The following VSIG2 variants were observed in gnomAD, a reference collection of about 807,000 sequenced individuals.
The protein encoded by VSIG2 is V-set and immunoglobulin domain containing 2.
Under a neutral mutation model 29.4 loss-of-function variants are expected in VSIG2, and 30 were observed. That is an observed-to-expected ratio of 1.02 (90% CI 0.76 to 1.38). VSIG2 has a LOEUF of 1.38. Among genes scored for constraint, VSIG2 ranks in the 40% most tolerant of loss-of-function variants. VSIG2 has a pLI of 0.00. For synonymous variants in VSIG2, 178 were observed against 174.2 expected, an observed-to-expected ratio of 1.02 and a Z score of -0.17; for missense variants, 421 against 400.8, an observed-to-expected ratio of 1.05 and a Z score of -0.43.
At chr11:124,749,337 C>A (rs926487552) in intron 4 of VSIG2, among the ~76,000 whole-genome samples, 1 of 152,072 alleles carries the variant, frequency 6.6e-6, no homozygotes, top group African/African-American at 2.4e-5. Flanking sequence ...AAGATTCCAG[C>A]CAGTCCATGC....
At chr11:124,747,784 G>T (rs886162011) in intron 6 of VSIG2, 117 bp from the exon 7 acceptor site, 2 of 1,185,882 alleles carry the variant, frequency 1.7e-6, no homozygotes, top group Non-Finnish European at 1.2e-6. Flanking sequence ...GCGGAACTTT[G>T]GTTAAAATGA....
At position 124,749,645 on chromosome 11, in the gene VSIG2, G is replaced by A. The variant is rs975604077; in HGVS notation, c.586+63C>T. The A allele has an allele frequency of 8.9e-6, 14 of 1,575,300 alleles. No individual in the cohort carries two copies. In the South Asian group the frequency reaches 1.6e-4, roughly 18 times the overall value. On this transcript the variant is annotated intron_variant, in intron 4 of 6. Coordinates refer to ENST00000326621, the MANE Select transcript of VSIG2 (RefSeq NM_014312.5). ...ATGGAACGGATAATACGGGTGTGTG[G>A]GATTTAGAGACCAGATTTGCCCAGG...
intron 2 of VSIG2, 123 bp from the exon 3 acceptor site, chr11:124,751,044 C>CT (rs1416540752): frequency 4.9e-6 from 5 of 1,018,834 alleles, no homozygotes; most frequent in Non-Finnish European, 7.1e-6. Flanking sequence ...GGCTGATACC[C>CT]TTAAGCTGGA....
intron 1 of VSIG2, 30 bp from the exon 2 acceptor site, chr11:124,751,610 A>G: frequency 6.5e-7 from 1 of 1,549,886 alleles, no homozygotes; most frequent in Non-Finnish European, 8.7e-7. Context: ...GGAGGTGGGA[A>G]CCCAAATTCC....
In VSIG2 at chr11:124,749,780, C is replaced by A. The variant is rs761277380; in HGVS notation, c.514G>T (p.Ala172Ser). Residue 172 changes from alanine (A) to serine (S), a missense_variant, in exon 4 of 7, where the codon GCT (alanine) becomes TCT (serine). Physicochemically the swap from Ala to Ser is moderately conservative, Grantham distance 99. Transcript: ENST00000326621. The stretch of plus-strand genomic sequence containing the variant: ...ACCCAGTTGTACACTGGCTTAGGAG[C>A]CCCCTCGGAAGAGCTGCATCTCAGT... ...TALRCSSSEG[A>S]PKPVYNWVRL... 1.2e-6 allele frequency: 2 copies of A among 1,612,902 alleles called. No homozygotes were observed. The highest frequency in any genetic ancestry group is 1.1e-5 in the South Asian group (1 of 91,044).
At position 124,749,885 on chromosome 11, in the gene VSIG2, A is replaced by AACAAACAAAAAAC. The variant is rs1555108848; in HGVS notation, c.428-20_428-19insGTTTTTTGTTTGT. ...GGGGGAACTGCAAAAAAAAAAAAAA[A>AACAAACAAAAAAC]AAAAAAAAAACAGAAAGTTCCTCAG... On this transcript the variant is annotated intron_variant, in intron 3 of 6. Coordinates refer to ENST00000326621, the MANE Select transcript of VSIG2 (RefSeq NM_014312.5). The AACAAACAAAAAAC allele has an allele frequency of 7.8e-7, 1 of 1,285,120 alleles. No homozygotes were observed. The highest frequency in any genetic ancestry group is 2.0e-5 in the African/African-American group (1 of 49,890). 79.6% of individuals were successfully genotyped at this position (1,285,120 alleles called of 1,614,324 possible). A position where few individuals can be genotyped will look rare whatever the true frequency, so the allele number is the denominator to read the frequency against.
At chr11:124,751,643 AC>A in intron 1 of VSIG2, 63 bp from the exon 2 acceptor site, 1 of 1,469,540 alleles carries the variant, frequency 6.8e-7, no homozygotes, top group Non-Finnish European at 9.0e-7. Context: ...GGTCGGGCCC[AC>A]CCCCGGGCAT....
chr11:124,747,710 C>T (rs2134449251), intron 6 of VSIG2, 43 bp from the exon 7 acceptor site: 2 of 1,594,972 alleles, frequency 1.3e-6, no homozygotes, highest in South Asian at 1.1e-5. Context: ...TAGAAGCCTC[C>T]TGCGGAGGAG....
chr11:124,750,010 C>T (rs1468854263), intron 3 of VSIG2, 144 bp from the exon 4 acceptor site: 1 of 931,876 alleles, frequency 1.1e-6, no homozygotes, highest in Non-Finnish European at 1.5e-6. Flanking sequence ...ACCACTGCAT[C>T]CCCAGGAACT....
chr11:124,752,170 CAGGTGGGCGGTCA>C lies in VSIG2; in HGVS notation c.-46_-34del. On this transcript the variant is annotated 5_prime_UTR_variant, in exon 1 of 7. Coordinates refer to ENST00000326621, the MANE Select transcript of VSIG2 (RefSeq NM_014312.5). ...TCCGGCCGTCCTGTCCTGCTCCTGC[CAGGTGGGCGGTCA>C]AGGTCGGTCTGGGTGTCGGGCAGGG... 6.5e-7 allele frequency: 1 copy of C among 1,537,062 alleles called. No homozygotes were observed. Among genetic ancestry groups the C allele is most frequent in the East Asian group, 2.4e-5 (1 of 42,128 alleles).
At chr11:124,748,093 A>G (rs891778223) in intron 6 of VSIG2, 3 of 409,680 alleles carry the variant, frequency 7.3e-6, no homozygotes, top group Admixed American at 8.3e-5. Flanking sequence ...TGGTTAAAAT[A>G]TATGAAAATA....
At position 124,748,500 on chromosome 11, in the gene VSIG2, A is replaced by T; in HGVS notation, c.741T>A (p.Ile247=). ...PSQGRVAGAL[I]GVLLGVLLLS... is the part of the protein sequence containing the mutation. ...GCAACAGCACGCCCAGGAGCACCCC[A>T]ATCAGAGCTCCGGCCACTCGGCCTT... The change falls in exon 6 of 7, where the codon ATT becomes ATA. Residue 247 remains isoleucine (I), a synonymous_variant. Transcript: ENST00000326621. 1.9e-6 allele frequency: 3 copies of T among 1,614,104 alleles called. No individual in the cohort carries two copies. The highest frequency in any genetic ancestry group is 2.5e-6 in the Non-Finnish European group (3 of 1,180,028).
chr11:124,752,033 A>G (rs780762196), intron 1 of VSIG2, 44 bp downstream of exon 1: 1 of 1,538,894 alleles, frequency 6.5e-7, no homozygotes, highest in Non-Finnish European at 8.7e-7. Context: ...AGCCAGGCCT[A>G]TGCCCCCCAG....
In VSIG2 at chr11:124,752,171, A is replaced by C; in HGVS notation, c.-34T>G. On this transcript the variant is annotated 5_prime_UTR_variant, in exon 1 of 7. Coordinates refer to ENST00000326621, the MANE Select transcript of VSIG2 (RefSeq NM_014312.5). ...CCGGCCGTCCTGTCCTGCTCCTGCC[A>C]GGTGGGCGGTCAAGGTCGGTCTGGG... 6.5e-7 allele frequency: 1 copy of C among 1,535,144 alleles called. No homozygotes were observed. The highest frequency in any genetic ancestry group is 8.7e-7 in the Non-Finnish European group (1 of 1,147,618).
At chr11:124,750,685 G>A in intron 3 of VSIG2, 29 bp downstream of exon 3, 1 of 1,607,496 alleles carries the variant, frequency 6.2e-7, no homozygotes, top group Non-Finnish European at 8.5e-7. Context: ...GAAAGAGTAT[G>A]TGGCTCGTGG....
chr11:124,752,062 C>T lies in VSIG2; in HGVS notation c.61+15G>A. 1 of 1,599,106 alleles carries T rather than the reference C, an allele frequency of 6.3e-7. No homozygotes were observed. Among genetic ancestry groups the T allele is most frequent in the South Asian group, 1.1e-5 (1 of 89,740 alleles). On this transcript the variant is annotated intron_variant, in intron 1 of 6. Transcript: ENST00000326621. ...CCCCCAGCCCTCGCCGTGGTCCCGC[C>T]CGGCCCCTCCTCACCACTCAGGCAC...
Position 124,751,127 on chromosome 11 carries a change from C to T in VSIG2, c.220-206G>A, listed in dbSNP as rs188391061. Among the ~76,000 whole-genome samples the T allele has an allele frequency of 1.1e-3, 161 of 151,826 alleles. 1 individual carries two copies. The highest frequency in any genetic ancestry group is 3.9e-3 in the Admixed American group (59 of 15,282). On this transcript the variant is annotated intron_variant, in intron 2 of 6. Transcript: ENST00000326621. ...AAATGAACCTGATCCATTGGTCTCT[C>T]TCTCTCTCTCTCAAAGAGAGAGGCA...
chr11:124,749,934 C>A (rs937846853), intron 3 of VSIG2, 68 bp from the exon 4 acceptor site: 13 of 1,445,274 alleles, frequency 9.0e-6, no homozygotes, highest in Middle Eastern at 2.5e-4. Context: ...CCACTCCCAA[C>A]TCCATTAGGT....
Position 124,747,738 on chromosome 11 carries a change from G to C in VSIG2, c.852-71C>G. 2.0e-6 allele frequency: 3 copies of C among 1,499,988 alleles called. No individual in the cohort carries two copies. In the South Asian group the frequency reaches 3.8e-5, roughly 19 times the overall value. The allele number at this position is 1,499,988 out of a possible 1,614,324, so 92.9% of individuals were successfully genotyped here. A position where few individuals can be genotyped will look rare whatever the true frequency, so the allele number is the denominator to read the frequency against. On this transcript the variant is annotated intron_variant, in intron 6 of 6. Coordinates refer to ENST00000326621, the MANE Select transcript of VSIG2 (RefSeq NM_014312.5). The stretch of plus-strand genomic sequence containing the variant: ...CGGAGGAGGGCCGTCCTCTAACCTG[G>C]GGACTCTTAAATTTCACTGTGCTTG...
Sources: gnomAD v4.1 joint callset for allele counts (sites outside exome capture counted in the v4.1 genomes callset) on GRCh38, gnomAD v4.1.1 for gene constraint, MANE v1.5 for transcripts, NCBI Gene and HGNC (gene_info 2026-07-23, HGNC 2026-07-21) for gene names.